The following COL27A1 variants were observed in gnomAD, a reference collection of about 807,000 sequenced individuals.
COL27A1 encodes the protein collagen alpha-1(XXVII) chain.
In COL27A1, 106 loss-of-function variants were observed where a neutral mutation model predicts 251.3. The ratio of observed to expected loss-of-function variants is 0.42; its 90% confidence interval spans 0.36 to 0.50. The LOEUF is 0.50. Ranked by LOEUF, COL27A1 falls within the 20% of genes least tolerant of loss-of-function variation. The pLI, the probability that COL27A1 is intolerant of heterozygous loss-of-function variation, is 0.00. For synonymous variants in COL27A1, 1,000 were observed against 986.3 expected, an observed-to-expected ratio of 1.01 and a Z score of -0.26; for missense variants, 2,325 against 2,522.8, an observed-to-expected ratio of 0.92 and a Z score of 1.68.
At chr9:114,224,904 AC>A (rs1362595788) in intron 14 of COL27A1, among the ~76,000 whole-genome samples, 1 of 151,836 alleles carries the variant, frequency 6.6e-6, no homozygotes, top group Non-Finnish European at 1.5e-5. Context: ...CGATCTGCCC[AC>A]CTCGACCTCC....
At chr9:114,255,879 T>C (rs1833886457) in intron 27 of COL27A1, among the ~76,000 whole-genome samples, 1 of 152,176 alleles carries the variant, frequency 6.6e-6, no homozygotes, top group African/African-American at 2.4e-5. Context: ...GGCTGCGGGA[T>C]TGTTGGCAAC....
intron 2 of COL27A1, among the ~76,000 whole-genome samples, chr9:114,164,439 C>T (rs1848693494): frequency 6.6e-6 from 1 of 152,148 alleles, no homozygotes; most frequent in African/African-American, 2.4e-5. Flanking sequence ...TGCAGATGGT[C>T]TTTGGGGGAC....
chr9:114,167,628 G>A, intron 2 of COL27A1, 61 bp from the exon 3 acceptor site: 25 of 1,434,378 alleles, frequency 1.7e-5, no homozygotes, highest in East Asian at 2.3e-5. Flanking sequence ...TAGGGGGTAG[G>A]GGGTGGGGTG....
intron 7 of COL27A1, among the ~76,000 whole-genome samples, chr9:114,204,566 G>A (rs1024168893): frequency 2.0e-5 from 3 of 152,124 alleles, no homozygotes; most frequent in Admixed American, 6.5e-5. Context: ...AGCTGGGGCC[G>A]GTGGGAGAAG....
intron 13 of COL27A1, among the ~76,000 whole-genome samples, chr9:114,220,191 C>T (rs1223558924): frequency 1.3e-5 from 2 of 152,160 alleles, no homozygotes; most frequent in Admixed American, 1.3e-4. Flanking sequence ...GTTTATGGGC[C>T]GGCAGAGGCA....
chr9:114,230,402 G>GGA (rs1277135852), intron 14 of COL27A1, among the ~76,000 whole-genome samples: 2 of 152,120 alleles, frequency 1.3e-5, no homozygotes, highest in East Asian at 3.9e-4. Flanking sequence ...ACTCAGCCAG[G>GGA]CTGAGCTGTC....
intron 27 of COL27A1, among the ~76,000 whole-genome samples, chr9:114,253,177 T>C (rs72762646): frequency 0.072 from 10,983 of 152,132 alleles, 612 homozygotes; most frequent in Non-Finnish European, 0.11. Context: ...TGAGAATCGC[T>C]TGAACCCAGA....
At chr9:114,157,106 A>ACACGCGCGCG (rs142812937) in intron 1 of COL27A1, among the ~76,000 whole-genome samples, 3 of 147,844 alleles carry the variant, frequency 2.0e-5, no homozygotes, top group South Asian at 4.4e-4. Context: ...ACACACACAT[A>ACACGCGCGCG]CGCGCGCGCG....
chr9:114,239,071 T>C (rs1049452942), intron 19 of COL27A1, among the ~76,000 whole-genome samples: 2 of 152,234 alleles, frequency 1.3e-5, no homozygotes, highest in African/African-American at 2.4e-5. Context: ...GAGATAGCTC[T>C]GCTCAGCTGA....
At chr9:114,264,218 T>G in intron 28 of COL27A1, 137 bp from the exon 29 acceptor site, 1 of 593,366 alleles carries the variant, frequency 1.7e-6, no homozygotes, top group Non-Finnish European at 2.8e-6. Context: ...GTGGGGAGTG[T>G]GTGGGAAGTG....
chr9:114,184,848 G>T (rs771455138), intron 5 of COL27A1, among the ~76,000 whole-genome samples: 1 of 152,194 alleles, frequency 6.6e-6, no homozygotes, highest in Admixed American at 6.5e-5. Context: ...GAACTCATTT[G>T]GAGAGTTCTG....
intron 10 of COL27A1, 24 bp from the exon 11 acceptor site, chr9:114,209,651 G>A: frequency 6.2e-7 from 1 of 1,613,786 alleles, no homozygotes. Flanking sequence ...TGACCGCTCT[G>A]ACCCCCTTTC....
intron 60 of COL27A1, 110 bp downstream of exon 60, chr9:114,309,588 A>G: frequency 2.6e-6 from 2 of 780,582 alleles, no homozygotes; most frequent in Non-Finnish European, 4.1e-6. Context: ...TTAATAGTAT[A>G]CTATATTAAT....
In COL27A1 at chr9:114,168,091, T is replaced by C; in HGVS notation, c.536T>C (p.Val179Ala). 1 of 1,611,424 alleles carries C rather than the reference T, an allele frequency of 6.2e-7. No individual in the cohort carries two copies. Among genetic ancestry groups the C allele is most frequent in the Non-Finnish European group, 8.5e-7 (1 of 1,180,006 alleles). The change falls in exon 3 of 61, where the codon GTG becomes GCG. Residue 179 changes from valine (V) to alanine (A), a missense_variant. Val to Ala is a moderately conservative substitution (Grantham distance 64, BLOSUM62 0). This residue lies in a region of COL27A1 where 1,183 missense variants were observed against 1,144.1 expected (regional missense o/e 1.03). Transcript: ENST00000356083. ...GTGACTGCCTGCGGGCAGCGCCGGG[T>C]GCCTGTCCTGCTGCCTTTCCACAGG... Reference protein sequence around the residue: ...TLVTACGQRRVPVLLPFHRDP... With the variant: ...TLVTACGQRRAPVLLPFHRDP...
chr9:114,208,209 G>A (rs571512087), intron 10 of COL27A1, among the ~76,000 whole-genome samples: 9 of 152,252 alleles, frequency 5.9e-5, no homozygotes, highest in South Asian at 4.1e-4. Context: ...AGGCCAAGGC[G>A]GGTGGATCAC....
chr9:114,307,066 CA>C, intron 58 of COL27A1: 1 of 220,912 alleles, frequency 4.5e-6, no homozygotes, highest in South Asian at 6.8e-5. Flanking sequence ...CGGAGCCAGA[CA>C]GACCTGAGTT....
At chr9:114,241,307 G>T (rs1434430938) in intron 21 of COL27A1, among the ~76,000 whole-genome samples, 1 of 152,248 alleles carries the variant, frequency 6.6e-6, no homozygotes, top group East Asian at 1.9e-4. Flanking sequence ...CACCGCGACC[G>T]CAGGCGGGCA....
At chr9:114,303,197 G>A (rs1828783050) in intron 56 of COL27A1, among the ~76,000 whole-genome samples, 1 of 151,486 alleles carries the variant, frequency 6.6e-6, no homozygotes, top group South Asian at 2.1e-4. Flanking sequence ...CTTGCTCAAT[G>A]CCAGACACCA....
At chr9:114,184,369 G>A (rs1828166805) in intron 5 of COL27A1, among the ~76,000 whole-genome samples, 1 of 152,242 alleles carries the variant, frequency 6.6e-6, no homozygotes, top group Non-Finnish European at 1.5e-5. Flanking sequence ...GCTCCTTTTG[G>A]CCCATCAGCT....
Sources: gnomAD v4.1 joint callset for allele counts (sites outside exome capture counted in the v4.1 genomes callset) on GRCh38, gnomAD v4.1.1 for gene constraint, gnomAD v4.1.1 regional missense constraint, MANE v1.5 for transcripts, NCBI Gene and HGNC (gene_info 2026-07-23, HGNC 2026-07-21) for gene names.